TDRD10: variants seen among roughly 807,000 people sequenced by gnomAD.
TDRD10 encodes tudor domain containing 10.
A neutral mutation model predicts 48.0 loss-of-function variants in TDRD10; 40 were observed. The observed-to-expected ratio is 0.83, with a 90% CI of 0.65 to 1.09. TDRD10 has a LOEUF of 1.09. Among genes scored for constraint, TDRD10 ranks in the 50% least tolerant of loss-of-function variants. The pLI is 0.00. For missense variants in TDRD10, 378 were observed against 434.7 expected (o/e 0.87, Z 1.16); for synonymous variants, 162 against 170.4 (o/e 0.95, Z 0.38).
In TDRD10 at chr1:154,522,344, C is replaced by T. The variant is rs1694102706; in HGVS notation, c.369+865C>T. 2.0e-5 allele frequency among the ~76,000 whole-genome samples: 3 copies of T among 152,056 alleles called. No individual in the cohort carries two copies. The South Asian group carries it at 6.2e-4, about 32-fold the overall frequency. On this transcript the variant is annotated intron_variant, in intron 6 of 12. Transcript: ENST00000368482. ...ACTCATGGCCTTAAGTGCACAGATG[C>T]TGAGAGATGTAGTTTTAAAAGATAG...
chr1:154,508,001 G>A (rs998256195), intron 3 of TDRD10, among the ~76,000 whole-genome samples: 2 of 152,100 alleles, frequency 1.3e-5, no homozygotes, highest in African/African-American at 2.4e-5. Flanking sequence ...AATACCTCTC[G>A]TTGAAAGCGC....
chr1:154,523,098 G>T (rs1378184558), intron 6 of TDRD10, among the ~76,000 whole-genome samples: 1 of 152,110 alleles, frequency 6.6e-6, no homozygotes, highest in Non-Finnish European at 1.5e-5. Flanking sequence ...TAGAGACAGG[G>T]TTTCACCACG....
intron 6 of TDRD10, among the ~76,000 whole-genome samples, chr1:154,525,763 T>C (rs4845643): frequency 0.79 from 119,243 of 151,784 alleles, 47,551 homozygotes; most frequent in East Asian, 0.92. Flanking sequence ...GGCATGGTGG[T>C]GGGTGCCTGT....
At position 154,521,063 on chromosome 1, in the gene TDRD10, T is replaced by C. The variant is rs193227221; in HGVS notation, c.213-260T>C. Among the ~76,000 whole-genome samples the C allele has an allele frequency of 2.0e-5, 3 of 152,166 alleles. No individual in the cohort carries two copies. In the South Asian group the frequency reaches 6.2e-4, roughly 32 times the overall value. On this transcript the variant is annotated intron_variant, in intron 5 of 12. Coordinates refer to ENST00000368482, the MANE Select transcript of TDRD10 (RefSeq NM_182499.4). Reference sequence around the variant, plus strand: ...TTGCTTTGAACTTTTGGGGCAGTAGTATTAAACTCAAAGTCATAGACATAC... The same window carrying C: ...TTGCTTTGAACTTTTGGGGCAGTAGCATTAAACTCAAAGTCATAGACATAC...
Position 154,547,697 on chromosome 1 carries a change from A to T in TDRD10, c.1043A>T (p.Glu348Val), listed in dbSNP as rs529773555. 4.3e-6 allele frequency: 7 copies of T among 1,613,876 alleles called. No individual in the cohort carries two copies. The South Asian group carries it at 5.5e-5, about 13-fold the overall frequency. ...TTCCAGTTGCACATCCTAAAGTTTGAAGAGTCTAAATAACGGGGCTTCCCT... is the reference window on the plus strand; with the variant it reads ...TTCCAGTTGCACATCCTAAAGTTTGTAGAGTCTAAATAACGGGGCTTCCCT... ...LNSALHILKF[E>V]ESK Residue 348 changes from glutamate (E) to valine (V), a missense_variant, in exon 13 of 13, where the codon GAA (glutamate) becomes GTA (valine). Transcript: ENST00000368482.
intron 6 of TDRD10, among the ~76,000 whole-genome samples, chr1:154,535,030 C>G (rs1446186924): frequency 6.6e-6 from 1 of 152,152 alleles, no homozygotes; most frequent in African/African-American, 2.4e-5. Context: ...AGAGAATCCA[C>G]ATTGAAGGAT....
intron 6 of TDRD10, among the ~76,000 whole-genome samples, chr1:154,529,081 A>C (rs894702239): frequency 4.6e-5 from 7 of 151,890 alleles, no homozygotes; most frequent in African/African-American, 1.7e-4. Flanking sequence ...AAGAATTATA[A>C]TGTTGTTTTT....
chr1:154,521,693 A>G lies in TDRD10; in HGVS notation c.369+214A>G, dbSNP rs562444089. Among the ~76,000 whole-genome samples, 5 of 152,296 alleles carry G rather than the reference A, an allele frequency of 3.3e-5. No homozygotes were observed. In the East Asian group the frequency reaches 5.8e-4, roughly 18 times the overall value. On this transcript the variant is annotated intron_variant, in intron 6 of 12. Coordinates refer to ENST00000368482, the MANE Select transcript of TDRD10 (RefSeq NM_182499.4). ...TTGGAATTTGTAAATTAAGGAGACT[A>G]TATTTTTGGCAAGGATAAAAAGGGC...
Position 154,507,315 on chromosome 1 carries a change from C to A in TDRD10, c.77C>A (p.Ser26Tyr). The change falls in exon 3 of 13, where the codon TCT becomes TAT. Residue 26 changes from serine (S) to tyrosine (Y), a missense_variant. Physicochemically the swap from Ser to Tyr is moderately radical, Grantham distance 144. This residue lies in a region of TDRD10 where 310 missense variants were observed against 323.6 expected (regional missense o/e 0.96). Transcript: ENST00000368482. Reference sequence around the variant, plus strand: ...AATGGAGTGTTGGAGGAGCAGAAATCTCCAGGTAAGTTAGGCTGGGGGATT... The same window carrying A: ...AATGGAGTGTTGGAGGAGCAGAAATATCCAGGTAAGTTAGGCTGGGGGATT... ...GKNGVLEEQK[S>Y]PGFKKRETEV... 1 of 1,614,050 alleles carries A rather than the reference C, an allele frequency of 6.2e-7. No individual in the cohort carries two copies. The highest frequency in any genetic ancestry group is 8.5e-7 in the Non-Finnish European group (1 of 1,180,016).
At chr1:154,540,512 A>C (rs1043444460) in intron 6 of TDRD10, among the ~76,000 whole-genome samples, 597 of 24,698 alleles carry the variant, frequency 0.024, 7 homozygotes, top group Middle Eastern at 0.17. Flanking sequence ...CTCTACAAAA[A>C]AAAAAAAAAA....
At chr1:154,505,379 A>G (rs1000509449) in intron 1 of TDRD10, among the ~76,000 whole-genome samples, 1 of 152,198 alleles carries the variant, frequency 6.6e-6, no homozygotes, top group Non-Finnish European at 1.5e-5. Context: ...AGGCTTTTCC[A>G]GAGATTACCA....
intron 6 of TDRD10, among the ~76,000 whole-genome samples, chr1:154,537,296 G>T (rs1369919169): frequency 6.6e-6 from 1 of 152,202 alleles, no homozygotes; most frequent in Non-Finnish European, 1.5e-5. Context: ...TTTAGTGTCT[G>T]CTGCCCCCAC....
At chr1:154,530,401 T>C (rs1570949542) in intron 6 of TDRD10, among the ~76,000 whole-genome samples, 1 of 151,168 alleles carries the variant, frequency 6.6e-6, no homozygotes, top group East Asian at 1.9e-4. Context: ...TTTCCTTCTT[T>C]TTTTTTTTTT....
chr1:154,527,548 A>C (rs1190327312), intron 6 of TDRD10, among the ~76,000 whole-genome samples: 1 of 152,232 alleles, frequency 6.6e-6, no homozygotes. Flanking sequence ...AATGTAGCAG[A>C]ATATCTTTAC....
At position 154,521,353 on chromosome 1, in the gene TDRD10, G is replaced by A. The variant is rs1694044928; in HGVS notation, c.243G>A (p.Gln81=). Reference sequence around the variant, plus strand: ...CATTTGTAGATCTGGGCTCCATGCAGAAAGTGACACTTGCAATCCAGGAGC... The same window carrying A: ...CATTTGTAGATCTGGGCTCCATGCAAAAAGTGACACTTGCAATCCAGGAGC... ...CFAFVDLGSM[Q]KVTLAIQELN... is the part of the protein sequence containing the mutation. Residue 81 remains glutamine (Q), a synonymous_variant, in exon 6 of 13, where the codon CAG becomes CAA. Transcript: ENST00000368482. 1.2e-6 allele frequency: 2 copies of A among 1,614,006 alleles called. No individual in the cohort carries two copies. The highest frequency in any genetic ancestry group is 3.3e-5 in the Admixed American group (2 of 59,998).
chr1:154,519,318 A>G (rs1693931790), intron 4 of TDRD10, among the ~76,000 whole-genome samples: 1 of 152,258 alleles, frequency 6.6e-6, no homozygotes, highest in African/African-American at 2.4e-5. Context: ...AATGAGTTAT[A>G]CATAATGCAT....
At position 154,544,437 on chromosome 1, in the gene TDRD10, C is replaced by A; in HGVS notation, c.717C>A (p.Tyr239Ter). The change falls in exon 10 of 13, where the codon TAC (tyrosine) becomes TAA (stop). Residue 239 changes from tyrosine to a stop codon, truncating the protein, a stop_gained. Transcript: ENST00000368482. LOFTEE classifies it high-confidence loss of function. ...CTCAGGCGGAGGAGCAGCAGCCCTA[C>A]CTGGAGGGCTCCACCGTTATGCGCG... is the stretch of plus-strand genomic sequence containing the variant. ...TLAQAEEQQP[Y>*]LEGSTVMRGT... 6.2e-7 allele frequency: 1 copy of A among 1,610,988 alleles called. No homozygotes were observed. The highest frequency in any genetic ancestry group is 8.5e-7 in the Non-Finnish European group (1 of 1,179,068).
rs1047588744 is a variant in TDRD10, at chr1:154,520,402, T to A, written c.212+28T>A. 1.9e-6 allele frequency: 3 copies of A among 1,589,856 alleles called. No homozygotes were observed. In the African/African-American group the frequency reaches 4.0e-5, roughly 21 times the overall value. ...AATGACTGTTCTTTCTTTGTTTTCT[T>A]TGGGAAGCAGCTCCTTTCCTCCCTG... On this transcript the variant is annotated intron_variant, in intron 5 of 12. Coordinates refer to ENST00000368482, the MANE Select transcript of TDRD10 (RefSeq NM_182499.4).
chr1:154,503,677 T>C (rs1403858585), intron 1 of TDRD10, among the ~76,000 whole-genome samples: 1 of 152,214 alleles, frequency 6.6e-6, no homozygotes, highest in Non-Finnish European at 1.5e-5. Flanking sequence ...AATCTTTTGG[T>C]TTAGCAAACT....
Sources: allele counts gnomAD v4.1 joint callset (sites outside exome capture counted in the v4.1 genomes callset), GRCh38; gene constraint gnomAD v4.1.1; regional missense constraint gnomAD v4.1.1; transcripts MANE v1.5; gene names NCBI Gene and HGNC (gene_info 2026-07-23, HGNC 2026-07-21).